MYCN: variants seen among roughly 807,000 people sequenced by gnomAD.
The protein encoded by MYCN is MYCN proto-oncogene, bHLH transcription factor.
A neutral mutation model predicts 28.1 loss-of-function variants in MYCN; 3 were observed. The observed-to-expected ratio is 0.11, with a 90% confidence interval of 0.05 to 0.28. The LOEUF (loss-of-function observed/expected upper bound fraction) is 0.28, where lower values mean the gene tolerates loss of function less well. Ranked by LOEUF, MYCN falls within the 10% of genes least tolerant of loss-of-function variation. The pLI is 1.00. For synonymous variants in MYCN, 326 were observed against 288.3 expected (o/e 1.13, Z -1.32); for missense variants, 572 against 651.4 (o/e 0.88, Z 1.33).
intron 2 of MYCN, among the ~76,000 whole-genome samples, chr2:15,944,686 T>C (rs1662812778): frequency 6.6e-6 from 1 of 152,236 alleles, no homozygotes; most frequent in South Asian, 2.1e-4. Flanking sequence ...TGATAAAAGC[T>C]ACCATTTACT....
intron 2 of MYCN, among the ~76,000 whole-genome samples, chr2:15,944,463 G>A (rs569480157): frequency 6.6e-6 from 1 of 152,178 alleles, no homozygotes; most frequent in Non-Finnish European, 1.5e-5. Context: ...TTTGTTAAAT[G>A]AAAAACTGTT....
Position 15,946,634 on chromosome 2 carries a change from A to G in MYCN, c.*537A>G, listed in dbSNP as rs1218516984. 1 of 273,066 alleles carries G rather than the reference A, an allele frequency of 3.7e-6. No individual in the cohort carries two copies. The highest frequency in any genetic ancestry group is 7.1e-6 in the Non-Finnish European group (1 of 140,972). The allele number at this position is 273,066 out of a possible 1,614,324, so 16.9% of individuals were successfully genotyped here. ...AATGTTTGAGGAGCATGTTTTGTAT[A>G]CAAATATATTGTTAATCTCTGTTAT... is the stretch of plus-strand genomic sequence containing the variant. On this transcript the variant is annotated 3_prime_UTR_variant, in exon 3 of 3. Transcript: ENST00000281043.
chr2:15,943,005 G>C, intron 2 of MYCN, 151 bp downstream of exon 2: 1 of 1,052,382 alleles, frequency 9.5e-7, no homozygotes, highest in Non-Finnish European at 1.3e-6. Context: ...GTCTCTCCTC[G>C]GGGTAAAGAG....
rs1662619234 is a variant in MYCN at position 15,940,751 on chromosome 2, G to A, written c.-118+8G>A. 2.5e-6 allele frequency: 1 copy of A among 398,506 alleles called. No homozygotes were observed. Among genetic ancestry groups the A allele is most frequent in the Non-Finnish European group, 4.4e-6 (1 of 225,886 alleles). 24.7% of individuals were successfully genotyped at this position (398,506 alleles called of 1,614,324 possible). A position where few individuals can be genotyped will look rare whatever the true frequency, so the allele number is the denominator to read the frequency against. On this transcript the variant is annotated splice_region_variant and intron_variant, in intron 1 of 2. Transcript: ENST00000281043. The stretch of plus-strand genomic sequence containing the variant: ...CCCTGCAGTCGGCGGGAGGTAAGGA[G>A]CAGGGCTTGCAAACCGCCCGGCGCC...
At position 15,946,117 on chromosome 2, in the gene MYCN, A is replaced by G; in HGVS notation, c.*20A>G. The stretch of plus-strand genomic sequence containing the variant: ...TGCTAGACGCTTCTCAAAACTGGAC[A>G]GTCACTGCCACTTTGCACATTTTGA... On this transcript the variant is annotated 3_prime_UTR_variant, in exon 3 of 3. Coordinates refer to ENST00000281043, the MANE Select transcript of MYCN (RefSeq NM_005378.6). 4 of 1,614,136 alleles carry G rather than the reference A, an allele frequency of 2.5e-6. No homozygotes were observed. Among genetic ancestry groups the G allele is most frequent in the East Asian group, 4.5e-5 (2 of 44,890 alleles).
At position 15,942,012 on chromosome 2, in the gene MYCN, TAAAACGA is replaced by T. The variant is rs1362525958; in HGVS notation, c.-51_-45del. On this transcript the variant is annotated 5_prime_UTR_variant, in exon 2 of 3. Transcript: ENST00000281043. The surrounding 1 kb of genome is among the most constrained non-coding windows in gnomAD (Gnocchi z 7.0). ...CACGGGAAGGAAGCACCCCCGGTAT[TAAAACGA>T]ACGGGGCGGAAAGAAGCCCTCAGTC... The T allele has an allele frequency of 7.5e-6, 12 of 1,609,844 alleles. No homozygotes were observed. The highest frequency in any genetic ancestry group is 9.3e-6 in the Non-Finnish European group (11 of 1,178,862).
Position 15,942,305 on chromosome 2 carries a change from A to G in MYCN, c.241A>G (p.Met81Val). The G allele has an allele frequency of 6.2e-7, 1 of 1,610,112 alleles. No homozygotes were observed. Among genetic ancestry groups the G allele is most frequent in the Non-Finnish European group, 8.5e-7 (1 of 1,178,856 alleles). Reference protein sequence around the residue: ...SSEPPSWVTEMLLENELWGSP... With the variant: ...SSEPPSWVTEVLLENELWGSP... ...CGAGCCCCCGAGCTGGGTCACGGAG[A>G]TGCTGCTTGAGAACGAGCTGTGGGG... is the stretch of plus-strand genomic sequence containing the variant. The change falls in exon 2 of 3, where the codon ATG (methionine) becomes GTG (valine). Residue 81 changes from methionine (M) to valine (V), a missense_variant. By Grantham distance (21) the Met-to-Val change is conservative. Transcript: ENST00000281043. This position sits in a 1 kb window ranked among gnomAD's most constrained non-coding sequence, Gnocchi z 7.0.
intron 2 of MYCN, among the ~76,000 whole-genome samples, chr2:15,943,921 T>TG (rs1662790136): frequency 6.6e-6 from 1 of 152,170 alleles, no homozygotes. Context: ...AGCAGGGAGC[T>TG]GGGACCCCCC....
Position 15,942,702 on chromosome 2 carries a change from C to T in MYCN, c.638C>T (p.Pro213Leu), listed in dbSNP as rs764655512. Residue 213 changes from proline (P) to leucine (L), a missense_variant, in exon 2 of 3, where the codon CCG becomes CTG. By Grantham distance (98) the Pro-to-Leu change is moderately conservative (BLOSUM62 -3). Coordinates refer to ENST00000281043, the MANE Select transcript of MYCN (RefSeq NM_005378.6). The surrounding 1 kb of genome is among the most constrained non-coding windows in gnomAD (Gnocchi z 7.0). ...GTGCCCGCAGCCCCGGCCAGTGCCC[C>T]GGCGGCGGGCCCTGCGGTCGCCTCG... is the stretch of plus-strand genomic sequence containing the variant. Reference protein sequence around the residue: ...APVPAAPASAPAAGPAVASGA... With the variant: ...APVPAAPASALAAGPAVASGA... 4.2e-6 allele frequency: 5 copies of T among 1,183,510 alleles called. No individual in the cohort carries two copies. The highest frequency in any genetic ancestry group is 4.4e-5 in the Admixed American group (1 of 22,708). 73.3% of individuals were successfully genotyped at this position (1,183,510 alleles called of 1,614,324 possible). A position where few individuals can be genotyped will look rare whatever the true frequency, so the allele number is the denominator to read the frequency against.
chr2:15,941,855 A>C lies in MYCN; in HGVS notation c.-117-93A>C. The C allele has an allele frequency of 4.9e-6, 3 of 608,292 alleles. No homozygotes were observed. The highest frequency in any genetic ancestry group is 5.8e-6 in the Non-Finnish European group (2 of 344,360). 37.7% of individuals were successfully genotyped at this position (608,292 alleles called of 1,614,324 possible). ...GGGCAGAGTGGGGGGCTTGGAGGGA[A>C]GATTGGGGAACCTGGTTAGAGGGGG... On this transcript the variant is annotated intron_variant, in intron 1 of 2. Coordinates refer to ENST00000281043, the MANE Select transcript of MYCN (RefSeq NM_005378.6). This position sits in a 1 kb window ranked among gnomAD's most constrained non-coding sequence, Gnocchi z 4.8.
At position 15,945,575 on chromosome 2, in the gene MYCN, C is replaced by A; in HGVS notation, c.873C>A (p.Thr291=). The change falls in exon 3 of 3, where the codon ACC becomes ACA. Residue 291 remains threonine (T), a synonymous_variant. Coordinates refer to ENST00000281043, the MANE Select transcript of MYCN (RefSeq NM_005378.6). The surrounding 1 kb of genome is among the most constrained non-coding windows in gnomAD (Gnocchi z 4.8). ...TVEKRRSSSN[T]KAVTTFTITV... is the part of the protein sequence containing the mutation. ...AGAAGCGGCGTTCCTCCTCCAACAC[C>A]AAGGCTGTCACCACATTCACCATCA... 1 of 1,614,086 alleles carries A rather than the reference C, an allele frequency of 6.2e-7. No individual in the cohort carries two copies. Among genetic ancestry groups the A allele is most frequent in the Non-Finnish European group, 8.5e-7 (1 of 1,180,016 alleles).
rs760278391 is a variant in MYCN at position 15,942,062 on chromosome 2, C to A, written c.-3C>A. 5 of 1,613,542 alleles carry A rather than the reference C, an allele frequency of 3.1e-6. No homozygotes were observed. The highest frequency in any genetic ancestry group is 4.2e-6 in the Non-Finnish European group (5 of 1,179,972). Reference sequence around the variant, plus strand: ...CCTCAGTCGCCGGCCGGGAGGCGAGCCGATGCCGAGCTGCTCCACGTCCAC... The same window carrying A: ...CCTCAGTCGCCGGCCGGGAGGCGAGACGATGCCGAGCTGCTCCACGTCCAC... On this transcript the variant is annotated 5_prime_UTR_variant, in exon 2 of 3. Coordinates refer to ENST00000281043, the MANE Select transcript of MYCN (RefSeq NM_005378.6). This position sits in a 1 kb window ranked among gnomAD's most constrained non-coding sequence, Gnocchi z 7.0.
rs1295910814 is a variant in MYCN at position 15,942,197 on chromosome 2, C to G, written c.133C>G (p.Pro45Ala). 3.1e-6 allele frequency: 5 copies of G among 1,613,536 alleles called. No homozygotes were observed. Among genetic ancestry groups the G allele is most frequent in the Non-Finnish European group, 4.2e-6 (5 of 1,179,998 alleles). The change falls in exon 2 of 3, where the codon CCG becomes GCG. Residue 45 changes from proline (P) to alanine (A), a missense_variant. Transcript: ENST00000281043. This position sits in a 1 kb window ranked among gnomAD's most constrained non-coding sequence, Gnocchi z 7.0. ...CTTCGGCGGCCCCGACTCGACCCCC[C>G]CGGGGGAGGACATCTGGAAGAAGTT... ...FYFGGPDSTP[P>A]GEDIWKKFEL...
chr2:15,943,256 GGT>G (rs1035353603), intron 2 of MYCN, among the ~76,000 whole-genome samples: 1 of 152,168 alleles, frequency 6.6e-6, no homozygotes, highest in African/African-American at 2.4e-5. Context: ...TTAGCGCAGG[GGT>G]GAAAGGGACT....
At position 15,946,055 on chromosome 2, in the gene MYCN, G is replaced by C. The variant is rs991669693; in HGVS notation, c.1353G>C (p.Gln451His). The C allele has an allele frequency of 3.1e-6, 5 of 1,614,222 alleles. No homozygotes were observed. Among genetic ancestry groups the C allele is most frequent in the Admixed American group, 3.3e-5 (2 of 60,034 alleles). The change falls in exon 3 of 3, where the codon CAG becomes CAC. Residue 451 changes from glutamine to histidine, a missense_variant. Physicochemically the swap from Gln to His is conservative, Grantham distance 24. Around this residue, in one of 3 missense-constraint regions of MYCN, gnomAD observed 61 missense variants for 81.6 expected, o/e 0.75. Transcript: ENST00000281043. ...LLEKEKLQAR[Q>H]QQLLKKIEHA... ...AAAAGGAAAAATTGCAGGCAAGACA[G>C]CAGCAGTTGCTAAAGAAAATTGAAC...
chr2:15,942,473 G>C lies in MYCN; in HGVS notation c.409G>C (p.Gly137Arg), dbSNP rs1423417145. Residue 137 changes from glycine (G) to arginine (R), a missense_variant, in exon 2 of 3, where the codon GGC becomes CGC. Gly to Arg is a moderately radical substitution (Grantham distance 125, BLOSUM62 -2). This residue lies in a region of MYCN where 499 missense variants were observed against 524.3 expected (regional missense o/e 0.95). Coordinates refer to ENST00000281043, the MANE Select transcript of MYCN (RefSeq NM_005378.6). The surrounding 1 kb of genome is among the most constrained non-coding windows in gnomAD (Gnocchi z 7.0). ...ERAVSEKLQH[G>R]RGPPTAGSTA... Reference sequence around the variant, plus strand: ...CGCCGTGAGCGAGAAGCTGCAGCACGGCCGCGGGCCGCCAACCGCCGGTTC... The same window carrying C: ...CGCCGTGAGCGAGAAGCTGCAGCACCGCCGCGGGCCGCCAACCGCCGGTTC... 9 of 1,563,168 alleles carry C rather than the reference G, an allele frequency of 5.8e-6. No individual in the cohort carries two copies. The highest frequency in any genetic ancestry group is 6.9e-6 in the Non-Finnish European group (8 of 1,159,458).
chr2:15,941,952 GGA>G lies in MYCN; in HGVS notation c.-111_-110del. 1 of 1,352,882 alleles carries G rather than the reference GGA, an allele frequency of 7.4e-7. No homozygotes were observed. The allele number at this position is 1,352,882 out of a possible 1,614,324, so 83.8% of individuals were successfully genotyped here. A position where few individuals can be genotyped will look rare whatever the true frequency, so the allele number is the denominator to read the frequency against. On this transcript the variant is annotated 5_prime_UTR_variant, in exon 2 of 3. An upstream open reading frame in the 5' UTR gains an earlier in-frame stop. Transcript: ENST00000281043. The surrounding 1 kb of genome is among the most constrained non-coding windows in gnomAD (Gnocchi z 4.8). ...CGGTGTGTCTGTCGGTTGCAGTGTT[GGA>G]GGTCGGCGCCGGCCCCCGCCTTCCG...
In MYCN at chr2:15,946,172, AT is replaced by A; in HGVS notation, c.*77del. On this transcript the variant is annotated 3_prime_UTR_variant, in exon 3 of 3. Transcript: ENST00000281043. ...TTTTTTAAACAAACATTGTGTTGAC[AT>A]TAAGAATGTTGGTTTACTTTCAAAT... 6.2e-7 allele frequency: 1 copy of A among 1,604,412 alleles called. No individual in the cohort carries two copies. Among genetic ancestry groups the A allele is most frequent in the South Asian group, 1.1e-5 (1 of 90,460 alleles).
chr2:15,943,793 T>A lies in MYCN; in HGVS notation c.790+939T>A, dbSNP rs535673814. Among the ~76,000 whole-genome samples, 7 of 152,278 alleles carry A rather than the reference T, an allele frequency of 4.6e-5. No individual in the cohort carries two copies. The East Asian group carries it at 1.4e-3, about 29-fold the overall frequency. On this transcript the variant is annotated intron_variant, in intron 2 of 2. Coordinates refer to ENST00000281043, the MANE Select transcript of MYCN (RefSeq NM_005378.6). ...CATCCTGGGAGGACTCACTGATTAG[T>A]TCTATTGTGTTCATTTGTCTGTGTC...
Sources: gnomAD v4.1 joint callset for allele counts (sites outside exome capture counted in the v4.1 genomes callset) on GRCh38, gnomAD v4.1.1 for gene constraint, gnomAD v4.1.1 regional missense constraint, Gnocchi (gnomAD v3.1) non-coding constraint, MANE v1.5 for transcripts, NCBI Gene and HGNC (gene_info 2026-07-23, HGNC 2026-07-21) for gene names.